RFTN2: variants seen among roughly 807,000 people sequenced by gnomAD.
The protein encoded by RFTN2 is raftlin-2.
A neutral mutation model predicts 52.7 loss-of-function variants in RFTN2; 34 were observed. That is an observed-to-expected ratio of 0.64 (90% confidence interval 0.49 to 0.86). The LOEUF (loss-of-function observed/expected upper bound fraction) is 0.86, where lower values mean the gene tolerates loss of function less well. Among genes scored for constraint, RFTN2 ranks in the 40% least tolerant of loss-of-function variants. The probability of loss-of-function intolerance (pLI) is 0.00; values close to 1 mark genes in which losing one functional copy is unlikely to be tolerated. For missense variants in RFTN2, 536 were observed against 600.1 expected (o/e 0.89, Z 1.12); for synonymous variants, 203 against 217.7 (o/e 0.93, Z 0.59).
chr2:197,611,007 C>A (rs754341504), intron 7 of RFTN2, among the ~76,000 whole-genome samples: 1 of 152,124 alleles, frequency 6.6e-6, no homozygotes, highest in Non-Finnish European at 1.5e-5. Flanking sequence ...CTGCTGGATT[C>A]GGTTTGCCAG....
At chr2:197,587,341 A>C (rs1451643882) in intron 8 of RFTN2, among the ~76,000 whole-genome samples, 2 of 152,048 alleles carry the variant, frequency 1.3e-5, no homozygotes, top group African/African-American at 4.8e-5. Context: ...TTTTCTTATT[A>C]ATATAAGAAG....
At chr2:197,585,638 G>C (rs900339326) in intron 8 of RFTN2, among the ~76,000 whole-genome samples, 2 of 151,942 alleles carry the variant, frequency 1.3e-5, no homozygotes, top group East Asian at 1.9e-4. Context: ...CCTCCTTAGC[G>C]AACAATTGCT....
intron 8 of RFTN2, among the ~76,000 whole-genome samples, chr2:197,581,348 G>T (rs1406428275): frequency 6.6e-6 from 1 of 152,006 alleles, no homozygotes; most frequent in Admixed American, 6.6e-5. Context: ...TTCTGTTCTT[G>T]ATCTTAAAGA....
intron 1 of RFTN2, among the ~76,000 whole-genome samples, chr2:197,667,734 G>C (rs927919886): frequency 6.6e-5 from 10 of 152,132 alleles, no homozygotes; most frequent in Admixed American, 5.9e-4. Flanking sequence ...TTCCATAGAG[G>C]CTTACAGTAT....
intron 1 of RFTN2, 134 bp from the exon 2 acceptor site, chr2:197,646,800 A>G (rs1047307705): frequency 3.3e-6 from 2 of 612,252 alleles, no homozygotes; most frequent in Non-Finnish European, 5.3e-6. Context: ...GTGTAATCCC[A>G]GCACTTTGGA....
chr2:197,629,675 T>C (rs1005219113), intron 5 of RFTN2, among the ~76,000 whole-genome samples: 7 of 146,514 alleles, frequency 4.8e-5, no homozygotes, highest in Admixed American at 1.4e-4. Flanking sequence ...TTAATTTTTA[T>C]ACACACACAC....
At chr2:197,674,456 T>G (rs1322896016) in intron 1 of RFTN2, among the ~76,000 whole-genome samples, 2 of 150,474 alleles carry the variant, frequency 1.3e-5, no homozygotes, top group East Asian at 1.9e-4. Context: ...ATTGATAAAA[T>G]GTGTGGCTCA....
At chr2:197,601,199 T>C (rs1238876291) in intron 7 of RFTN2, among the ~76,000 whole-genome samples, 1 of 152,236 alleles carries the variant, frequency 6.6e-6, no homozygotes, top group African/African-American at 2.4e-5. Flanking sequence ...ATGTTTCCTT[T>C]TCTCTTCCCT....
chr2:197,620,131 G>A (rs1389301810), intron 5 of RFTN2, among the ~76,000 whole-genome samples: 1 of 151,746 alleles, frequency 6.6e-6, no homozygotes, highest in African/African-American at 2.4e-5. Flanking sequence ...TTAATGCTAG[G>A]TAAGATTACT....
intron 1 of RFTN2, among the ~76,000 whole-genome samples, chr2:197,648,633 A>G (rs976696563): frequency 6.6e-6 from 1 of 152,258 alleles, no homozygotes; most frequent in African/African-American, 2.4e-5. Flanking sequence ...ATCTTAAAAA[A>G]ATTTAAAGAA....
At chr2:197,654,706 T>C (rs2088869321) in intron 1 of RFTN2, among the ~76,000 whole-genome samples, 1 of 151,560 alleles carries the variant, frequency 6.6e-6, no homozygotes, top group Non-Finnish European at 1.5e-5. Flanking sequence ...AAAATAACTA[T>C]ACAAATATAG....
intron 1 of RFTN2, among the ~76,000 whole-genome samples, chr2:197,669,487 CT>C (rs1025557208): frequency 2.4e-4 from 36 of 152,130 alleles, no homozygotes; most frequent in African/African-American, 8.7e-4. Flanking sequence ...CGGTCCCCAA[CT>C]TTTTGGCACC....
intron 1 of RFTN2, among the ~76,000 whole-genome samples, chr2:197,661,507 A>C (rs574228501): frequency 4.6e-5 from 7 of 152,216 alleles, no homozygotes; most frequent in African/African-American, 1.7e-4. Flanking sequence ...CACCATGTAC[A>C]TATGTATCAT....
At chr2:197,659,477 T>TAAAA (rs55804577) in intron 1 of RFTN2, among the ~76,000 whole-genome samples, 6 of 94,696 alleles carry the variant, frequency 6.3e-5, no homozygotes, top group Admixed American at 2.4e-4. Flanking sequence ...CTCCATCTCA[T>TAAAA]AAAAAAAAAA....
intron 8 of RFTN2, among the ~76,000 whole-genome samples, chr2:197,594,781 T>C (rs902735194): frequency 6.6e-6 from 1 of 152,180 alleles, no homozygotes; most frequent in Admixed American, 6.5e-5. Flanking sequence ...CCCAACAACC[T>C]CTCTACCTCT....
At chr2:197,585,957 C>T (rs2087589858) in intron 8 of RFTN2, among the ~76,000 whole-genome samples, 1 of 152,208 alleles carries the variant, frequency 6.6e-6, no homozygotes, top group African/African-American at 2.4e-5. Flanking sequence ...CTTTTTGTAT[C>T]TCTCAGCAAA....
chr2:197,575,817 T>G (rs1225454188), intron 8 of RFTN2, among the ~76,000 whole-genome samples: 1 of 103,316 alleles, frequency 9.7e-6, no homozygotes, highest in Non-Finnish European at 2.1e-5. Flanking sequence ...ATACATAATA[T>G]ATATTCTATA....
At chr2:197,629,675 T>TACACACACACACACACACACACACAC (rs60384360) in intron 5 of RFTN2, among the ~76,000 whole-genome samples, 43 of 146,604 alleles carry the variant, frequency 2.9e-4, no homozygotes, top group African/African-American at 1.0e-3. Context: ...TTAATTTTTA[T>TACACACACACACACACACACACACAC]ACACACACAC....
chr2:197,608,623 CTTTTTTTTTTTTT>C (rs57681105), intron 7 of RFTN2, among the ~76,000 whole-genome samples: 1 of 99,514 alleles, frequency 1.0e-5, no homozygotes, highest in African/African-American at 4.1e-5. Flanking sequence ...TGGGACCAGA[CTTTTTTTTTTTTT>C]TTTTTTTTTT....
Sources: allele counts gnomAD v4.1 joint callset (sites outside exome capture counted in the v4.1 genomes callset), GRCh38; gene constraint gnomAD v4.1.1; transcripts MANE v1.5; gene names NCBI Gene and HGNC (gene_info 2026-07-23, HGNC 2026-07-21).